SLC15A3: variants seen among roughly 807,000 people sequenced by gnomAD.
SLC15A3 encodes osteoclast transporter.
Under a neutral mutation model 49.2 loss-of-function variants are expected in SLC15A3, and 39 were observed. That is an observed-to-expected ratio of 0.79 (90% CI 0.61 to 1.04). The LOEUF is 1.04. Ranked by LOEUF, SLC15A3 falls within the 50% of genes least tolerant of loss-of-function variation. The pLI is 0.00. For missense variants in SLC15A3, 758 were observed against 794.8 expected (o/e 0.95, Z 0.56); for synonymous variants, 339 against 367.0 (o/e 0.92, Z 0.87).
chr11:60,947,973 A>T (rs1856828463), intron 1 of SLC15A3, among the ~76,000 whole-genome samples: 1 of 152,150 alleles, frequency 6.6e-6, no homozygotes, highest in Non-Finnish European at 1.5e-5. Flanking sequence ...GGAGAGAATA[A>T]ATACTTCTCT....
At position 60,946,898 on chromosome 11, in the gene SLC15A3, C is replaced by G. The variant is rs899216447; in HGVS notation, c.559-77G>C. On this transcript the variant is annotated intron_variant, in intron 1 of 7. Transcript: ENST00000227880. ...TCTGTACCCATACCCCTCCCTCCTA[C>G]AGAGACACTTCTTGGGTCAGTGGGT... The G allele has an allele frequency of 1.1e-5, 17 of 1,489,026 alleles. No individual in the cohort carries two copies. In the African/African-American group the frequency reaches 2.2e-4, roughly 19 times the overall value. The allele number at this position is 1,489,026 out of a possible 1,614,324, so 92.2% of individuals were successfully genotyped here.
intron 1 of SLC15A3, 128 bp downstream of exon 1, chr11:60,950,866 C>T (rs989985406): frequency 2.0e-6 from 2 of 1,006,364 alleles, no homozygotes; most frequent in Non-Finnish European, 2.7e-6. Flanking sequence ...GGGCTAGCCC[C>T]CCTCTTCTTT....
Position 60,937,860 on chromosome 11 carries a change from C to T in SLC15A3, c.1591+10G>A, listed in dbSNP as rs1471443712. 3 of 1,613,490 alleles carry T rather than the reference C, an allele frequency of 1.9e-6. No homozygotes were observed. The South Asian group carries it at 3.3e-5, about 18-fold the overall frequency. ...TCCATGTCCCACTCCTGGGGAGGCC[C>T]CATACTCACCAAAGTCCTTGGGGCA... is the stretch of plus-strand genomic sequence containing the variant. On this transcript the variant is annotated intron_variant, in intron 7 of 7. Coordinates refer to ENST00000227880, the MANE Select transcript of SLC15A3 (RefSeq NM_016582.3).
intron 5 of SLC15A3, chr11:60,940,917 C>T: frequency 2.1e-6 from 1 of 467,794 alleles, no homozygotes; most frequent in Non-Finnish European, 3.7e-6. Flanking sequence ...CCTCTCTCGG[C>T]CTGAGTTTCT....
chr11:60,949,036 T>C (rs1565129480), intron 1 of SLC15A3, among the ~76,000 whole-genome samples: 1 of 152,078 alleles, frequency 6.6e-6, no homozygotes, highest in African/African-American at 2.4e-5. Flanking sequence ...CAACAAGAAG[T>C]AAGAAACGGT....
In SLC15A3 at chr11:60,951,754, A is replaced by C. The variant is rs1590647262; in HGVS notation, c.-203T>G. ...TCCTGTCCCTCCGCTCACTACCCGG[A>C]CTCTACCACCTCCTCCCTAATTCTC... On this transcript the variant is annotated 5_prime_UTR_variant, in exon 1 of 8. Coordinates refer to ENST00000227880, the MANE Select transcript of SLC15A3 (RefSeq NM_016582.3). 2 of 204,694 alleles carry C rather than the reference A, an allele frequency of 9.8e-6. No individual in the cohort carries two copies. The highest frequency in any genetic ancestry group is 8.4e-6 in the Non-Finnish European group (1 of 119,374). 12.7% of individuals were successfully genotyped at this position (204,694 alleles called of 1,614,324 possible).
chr11:60,949,508 GAAAGAAAGAAAGAAA>G (rs1856866148), intron 1 of SLC15A3, among the ~76,000 whole-genome samples: 2 of 47,664 alleles, frequency 4.2e-5, no homozygotes, highest in African/African-American at 1.0e-4. Context: ...AAGAAGGAAA[GAAAGAAAGAAAGAAA>G]GAAAGAAAGA....
intron 1 of SLC15A3, 98 bp from the exon 2 acceptor site, chr11:60,946,919 T>C: frequency 7.3e-7 from 1 of 1,368,546 alleles, no homozygotes; most frequent in South Asian, 1.5e-5. Flanking sequence ...CTTGGGTCAG[T>C]GGGTGGTGGG....
At chr11:60,939,838 GA>G in intron 5 of SLC15A3, 200 bp from the exon 6 acceptor site, 2 of 597,090 alleles carry the variant, frequency 3.3e-6, no homozygotes, top group Non-Finnish European at 2.9e-6. Context: ...TTGGCTGCTA[GA>G]AGCTCCAAGC....
In SLC15A3 at chr11:60,950,999, CG is replaced by C; in HGVS notation, c.552del (p.Asp185ThrfsTer3). The C allele has an allele frequency of 6.8e-7, 1 of 1,474,014 alleles. No homozygotes were observed. The highest frequency in any genetic ancestry group is 2.5e-5 in the Admixed American group (1 of 40,022). 91.3% of individuals were successfully genotyped at this position (1,474,014 alleles called of 1,614,324 possible). A position where few individuals can be genotyped will look rare whatever the true frequency, so the allele number is the denominator to read the frequency against. ...GCAGGCCTCCTGCCACTCACCTGGTCGGCACCGAAGGAGGTGAGGTTGCTCC... is the reference window on the plus strand; with the variant it reads ...GCAGGCCTCCTGCCACTCACCTGGTCGCACCGAAGGAGGTGAGGTTGCTCC... ...SVRSNLTSFGADQVMDLGRDA... is the reference protein window; with the variant it reads ...SVRSNLTSFGXDQVMDLGRDA... On this transcript the variant is annotated frameshift_variant, in exon 1 of 8. Transcript: ENST00000227880. LOFTEE classifies it high-confidence loss of function.
At chr11:60,939,809 C>A in intron 5 of SLC15A3, 171 bp from the exon 6 acceptor site, 1 of 694,368 alleles carries the variant, frequency 1.4e-6, no homozygotes, top group Non-Finnish European at 2.4e-6. Flanking sequence ...AAGATGTGAC[C>A]AACTCCTCCC....
chr11:60,946,596 A>G lies in SLC15A3; in HGVS notation c.784T>C (p.Ser262Pro). ...ITKPPMGSQV[S>P]SMLKLALQNC... ...TGGAGAGCGAGCTTAAGCATAGAGGACACTTGGCTGCCCATCGGGGGCTTG... is the reference window on the plus strand; with the variant it reads ...TGGAGAGCGAGCTTAAGCATAGAGGGCACTTGGCTGCCCATCGGGGGCTTG... Residue 262 changes from serine to proline, a missense_variant, in exon 2 of 8, where the codon TCC becomes CCC. By Grantham distance (74) the Ser-to-Pro change is moderately conservative. Transcript: ENST00000227880. The G allele has an allele frequency of 2.5e-6, 4 of 1,612,602 alleles. No individual in the cohort carries two copies. The highest frequency in any genetic ancestry group is 3.4e-6 in the Non-Finnish European group (4 of 1,178,912).
chr11:60,943,626 T>C, intron 3 of SLC15A3, 63 bp downstream of exon 3: 1 of 1,416,750 alleles, frequency 7.1e-7, no homozygotes, highest in Non-Finnish European at 9.3e-7. Context: ...TGATGAGAAA[T>C]GAGGCCATTC....
rs1361857184 is a variant in SLC15A3 at position 60,951,838 on chromosome 11, GT to G, written c.-288del. On this transcript the variant is annotated 5_prime_UTR_variant, in exon 1 of 8. Transcript: ENST00000227880. ...TCCTCCCCGCGCCTCTCCTGCAGCT[GT>G]TTCTCCCTAACTCTCCCCTCTCCTC... 1.8e-5 allele frequency: 3 copies of G among 167,272 alleles called. No homozygotes were observed. The highest frequency in any genetic ancestry group is 3.8e-5 in the Non-Finnish European group (3 of 79,498). The allele number at this position is 167,272 out of a possible 1,614,324, so 10.4% of individuals were successfully genotyped here.
chr11:60,944,546 G>A (rs532622226), intron 2 of SLC15A3, among the ~76,000 whole-genome samples: 45 of 152,276 alleles, frequency 3.0e-4, no homozygotes, highest in South Asian at 1.2e-3. Flanking sequence ...GCCCCTCTGA[G>A]TCCTGAGGGA....
In SLC15A3 at chr11:60,950,990, T is replaced by C; in HGVS notation, c.558+4A>G. On this transcript the variant is annotated splice_donor_region_variant and intron_variant, in intron 1 of 7. Coordinates refer to ENST00000227880, the MANE Select transcript of SLC15A3 (RefSeq NM_016582.3). ...TATGCCGGGGCAGGCCTCCTGCCAC[T>C]CACCTGGTCGGCACCGAAGGAGGTG... 6.9e-7 allele frequency: 1 copy of C among 1,445,986 alleles called. No individual in the cohort carries two copies. The highest frequency in any genetic ancestry group is 9.0e-7 in the Non-Finnish European group (1 of 1,106,216). 89.6% of individuals were successfully genotyped at this position (1,445,986 alleles called of 1,614,324 possible). A position where few individuals can be genotyped will look rare whatever the true frequency, so the allele number is the denominator to read the frequency against.
At chr11:60,945,746 TGAG>T (rs1856792092) in intron 2 of SLC15A3, among the ~76,000 whole-genome samples, 1 of 152,320 alleles carries the variant, frequency 6.6e-6, no homozygotes, top group Non-Finnish European at 1.5e-5. Context: ...TGTCAGCTAA[TGAG>T]GAGGGAGCGA....
At position 60,951,698 on chromosome 11, in the gene SLC15A3, C is replaced by T. The variant is rs2134947704; in HGVS notation, c.-147G>A. ...TCACCGCTTTGGCCCACCCTTCCCTCCTGTCCCCTCTCCCTTTCTTGCCCT... is the reference window on the plus strand; with the variant it reads ...TCACCGCTTTGGCCCACCCTTCCCTTCTGTCCCCTCTCCCTTTCTTGCCCT... On this transcript the variant is annotated 5_prime_UTR_variant, in exon 1 of 8. Transcript: ENST00000227880. The T allele has an allele frequency of 2.0e-6, 1 of 493,970 alleles. No homozygotes were observed. Among genetic ancestry groups the T allele is most frequent in the African/African-American group, 2.1e-5 (1 of 47,684 alleles). 30.6% of individuals were successfully genotyped at this position (493,970 alleles called of 1,614,324 possible).
intron 1 of SLC15A3, among the ~76,000 whole-genome samples, chr11:60,948,417 G>A (rs1477242810): frequency 6.6e-6 from 1 of 152,236 alleles, no homozygotes; most frequent in African/African-American, 2.4e-5. Context: ...ATGAGCAGAT[G>A]CTTTGTCGAG....
Sources: allele counts gnomAD v4.1 joint callset (sites outside exome capture counted in the v4.1 genomes callset), GRCh38; gene constraint gnomAD v4.1.1; transcripts MANE v1.5; gene names NCBI Gene and HGNC (gene_info 2026-07-23, HGNC 2026-07-21).